The following ZNF253 variants were observed in gnomAD, a reference collection of about 807,000 sequenced individuals.
The protein encoded by ZNF253 is DNA-binding protein.
A neutral mutation model predicts 11.9 loss-of-function variants in ZNF253; 8 were observed. The ratio of observed to expected loss-of-function variants is 0.67; its 90% CI spans 0.40 to 1.22. ZNF253 has a LOEUF of 1.22. ZNF253 is among the 50% of genes most tolerant of loss of function. The pLI is 0.01. For missense variants in ZNF253, 485 were observed against 586.9 expected (o/e 0.83, Z 1.79); for synonymous variants, 194 against 194.9 (o/e 1.00, Z 0.04).
chr19:19,875,043 G>C (rs1375361957), intron 1 of ZNF253, among the ~76,000 whole-genome samples: 1 of 152,112 alleles, frequency 6.6e-6, no homozygotes, highest in East Asian at 1.9e-4. Flanking sequence ...CCCTATCCTA[G>C]GTCTGTTAAG....
chr19:19,893,037 A>G lies in ZNF253; in HGVS notation c.*290A>G. The G allele has an allele frequency of 3.0e-6, 1 of 330,104 alleles. No individual in the cohort carries two copies. Among genetic ancestry groups the G allele is most frequent in the Non-Finnish European group, 5.5e-6 (1 of 182,662 alleles). The allele number at this position is 330,104 out of a possible 1,614,324, so 20.4% of individuals were successfully genotyped here. A position where few individuals can be genotyped will look rare whatever the true frequency, so the allele number is the denominator to read the frequency against. On this transcript the variant is annotated 3_prime_UTR_variant, in exon 4 of 4. Transcript: ENST00000589717. ...TTGTCACCGAGGCTGGAGTGCAATG[A>G]CATGATCTCCGTTCACTGCAATCTC...
intron 3 of ZNF253, among the ~76,000 whole-genome samples, chr19:19,887,420 C>G (rs1363203682): frequency 1.3e-5 from 2 of 152,054 alleles, no homozygotes; most frequent in East Asian, 3.9e-4. Context: ...CGTCAGCCTT[C>G]TGAGTAGCTG....
rs2063108684 is a variant in ZNF253, at chr19:19,865,921, C to T, written c.-76C>T. 5 of 1,583,256 alleles carry T rather than the reference C, an allele frequency of 3.2e-6. No individual in the cohort carries two copies. The highest frequency in any genetic ancestry group is 1.1e-5 in the South Asian group (1 of 90,466). ...TTCTGTGTCCTGTGCTTATAGAGGC[C>T]CGTCCTCTGTGGCCGTGTGACCTGC... On this transcript the variant is annotated 5_prime_UTR_variant, in exon 1 of 4. Transcript: ENST00000589717.
chr19:19,892,232 A>G lies in ZNF253; in HGVS notation c.985A>G (p.Ile329Val), dbSNP rs746117677. 2.5e-6 allele frequency: 4 copies of G among 1,613,864 alleles called. No homozygotes were observed. Among genetic ancestry groups the G allele is most frequent in the Non-Finnish European group, 3.4e-6 (4 of 1,179,926 alleles). ...CTTTAAGCACTGCTCTAACCTTACT[A>G]TACATAAGAGAATTCATACAGGAGA... ...KSFKHCSNLT[I>V]HKRIHTGEKP... Residue 329 changes from isoleucine to valine, a missense_variant, in exon 4 of 4, where the codon ATA (isoleucine) becomes GTA (valine). Ile to Val is a conservative substitution (Grantham distance 29). Coordinates refer to ENST00000589717, the MANE Select transcript of ZNF253 (RefSeq NM_021047.3).
At chr19:19,891,421 A>G (rs2063228936) in intron 3 of ZNF253, 53 bp from the exon 4 acceptor site, 9 of 1,406,482 alleles carry the variant, frequency 6.4e-6, no homozygotes, top group East Asian at 4.8e-5. Flanking sequence ...TTTGTAATGT[A>G]TATTTATCTG....
chr19:19,889,210 A>G (rs7254810), intron 3 of ZNF253, among the ~76,000 whole-genome samples: 58 of 149,836 alleles, frequency 3.9e-4, no homozygotes, highest in African/African-American at 1.3e-3. Flanking sequence ...TTATTTTTAT[A>G]TTTTTTATAT....
intron 2 of ZNF253, among the ~76,000 whole-genome samples, chr19:19,879,020 AT>A (rs1476646078): frequency 6.6e-6 from 1 of 152,202 alleles, no homozygotes; most frequent in Admixed American, 6.5e-5. Flanking sequence ...AAGAATAAAA[AT>A]TTAACCGATG....
intron 1 of ZNF253, among the ~76,000 whole-genome samples, chr19:19,872,841 T>C (rs1314584646): frequency 6.6e-6 from 1 of 151,960 alleles, no homozygotes; most frequent in Non-Finnish European, 1.5e-5. Context: ...CCATTTAGAA[T>C]GTGCTAGAGC....
intron 2 of ZNF253, 192 bp downstream of exon 2, chr19:19,878,799 A>G: frequency 2.0e-6 from 1 of 492,406 alleles, no homozygotes; most frequent in Non-Finnish European, 3.4e-6. Context: ...CCTGTAATCA[A>G]TAACAATTTA....
At chr19:19,887,508 G>A (rs564266856) in intron 3 of ZNF253, among the ~76,000 whole-genome samples, 5 of 151,774 alleles carry the variant, frequency 3.3e-5, no homozygotes, top group East Asian at 1.9e-4. Flanking sequence ...CATGATGGCC[G>A]GGCTGGTTTT....
intron 3 of ZNF253, among the ~76,000 whole-genome samples, chr19:19,884,292 G>A (rs1051699192): frequency 6.6e-6 from 1 of 152,048 alleles, no homozygotes; most frequent in African/African-American, 2.4e-5. Context: ...TGTGAATACT[G>A]GTACAATAAA....
At chr19:19,887,209 A>G (rs1018656020) in intron 3 of ZNF253, among the ~76,000 whole-genome samples, 3 of 152,098 alleles carry the variant, frequency 2.0e-5, no homozygotes, top group East Asian at 3.9e-4. Flanking sequence ...ATTTGACTCA[A>G]TGCAAAATGA....
At chr19:19,876,766 C>G (rs552305253) in intron 1 of ZNF253, among the ~76,000 whole-genome samples, 1 of 151,898 alleles carries the variant, frequency 6.6e-6, no homozygotes, top group East Asian at 1.9e-4. Flanking sequence ...TCTGCCTCCT[C>G]GAATGCTATG....
In ZNF253 at chr19:19,865,922, C is replaced by G; in HGVS notation, c.-75C>G. 9 of 1,581,354 alleles carry G rather than the reference C, an allele frequency of 5.7e-6. No homozygotes were observed. Among genetic ancestry groups the G allele is most frequent in the Non-Finnish European group, 7.8e-6 (9 of 1,150,106 alleles). On this transcript the variant is annotated 5_prime_UTR_variant, in exon 1 of 4. Transcript: ENST00000589717. ...TCTGTGTCCTGTGCTTATAGAGGCC[C>G]GTCCTCTGTGGCCGTGTGACCTGCA... is the stretch of plus-strand genomic sequence containing the variant.
intron 1 of ZNF253, among the ~76,000 whole-genome samples, chr19:19,873,482 G>A (rs1039711947): frequency 4.6e-5 from 7 of 152,134 alleles, no homozygotes; most frequent in African/African-American, 1.7e-4. Flanking sequence ...GATGTCCAGA[G>A]CAGAATTGTG....
At chr19:19,878,661 C>T (rs2063165552) in intron 2 of ZNF253, 54 bp downstream of exon 2, 4 of 1,543,148 alleles carry the variant, frequency 2.6e-6, no homozygotes, top group African/African-American at 1.4e-5. Flanking sequence ...TTTTATTTCT[C>T]TTTTTTGTAG....
At chr19:19,866,131 G>A in intron 1 of ZNF253, 132 bp downstream of exon 1, 2 of 1,216,126 alleles carry the variant, frequency 1.6e-6, no homozygotes, top group Non-Finnish European at 1.2e-6. Flanking sequence ...GCCCAGCTCG[G>A]CCTCAGTCCC....
chr19:19,872,580 T>TA (rs1555777030), intron 1 of ZNF253, among the ~76,000 whole-genome samples: 7,065 of 108,034 alleles, frequency 0.065, 404 homozygotes, highest in East Asian at 0.2. Context: ...TATATATATA[T>TA]TATTATATAT....
intron 1 of ZNF253, among the ~76,000 whole-genome samples, chr19:19,869,459 G>A (rs914139083): frequency 1.3e-5 from 2 of 151,948 alleles, no homozygotes; most frequent in African/African-American, 4.8e-5. Flanking sequence ...TGCCTCCCAG[G>A]TTCAAGCAAT....
Sources: gnomAD v4.1 joint callset for allele counts (sites outside exome capture counted in the v4.1 genomes callset) on GRCh38, gnomAD v4.1.1 for gene constraint, MANE v1.5 for transcripts, NCBI Gene and HGNC (gene_info 2026-07-23, HGNC 2026-07-21) for gene names.